The following DRC11 variants were observed in gnomAD, a reference collection of about 807,000 sequenced individuals.
The protein encoded by DRC11 is dynein regulatory complex subunit 11, also known as IQ and AAA domain-containing protein 1.
the DRC11 span, among the ~76,000 whole-genome samples, chr2:236,443,589 T>C: frequency 6.6e-6 from 1 of 152,246 alleles, no homozygotes; most frequent in African/African-American, 2.4e-5. This position sits in a 1 kb window ranked among gnomAD's most constrained non-coding sequence, Gnocchi z 4.4. Flanking sequence ...CCATGGTGTA[T>C]ATGTACCACA....
chr2:236,353,036 C>G, the DRC11 span, among the ~76,000 whole-genome samples: 1 of 152,194 alleles, frequency 6.6e-6, no homozygotes, highest in Non-Finnish European at 1.5e-5. This position sits in a 1 kb window ranked among gnomAD's most constrained non-coding sequence, Gnocchi z 5.0. Flanking sequence ...ACACTCTTCT[C>G]CTCGACAAGT....
At chr2:236,390,516 A>G in the DRC11 span, among the ~76,000 whole-genome samples, 1 of 152,136 alleles carries the variant, frequency 6.6e-6, no homozygotes, top group Non-Finnish European at 1.5e-5. The surrounding 1 kb of genome is among the most constrained non-coding windows in gnomAD (Gnocchi z 5.9). Context: ...GGTTATTTCT[A>G]TTTTGAGGTT....
At chr2:236,477,244 A>G in the DRC11 span, among the ~76,000 whole-genome samples, 1 of 152,358 alleles carries the variant, frequency 6.6e-6, no homozygotes, top group East Asian at 1.9e-4. Flanking sequence ...GGTTGATCAG[A>G]TGCCTTACTG....
the DRC11 span, among the ~76,000 whole-genome samples, chr2:236,358,045 A>G: frequency 8.4e-6 from 1 of 119,460 alleles, no homozygotes; most frequent in African/African-American, 3.4e-5. Flanking sequence ...TATTTATAAT[A>G]TATAGATATA....
At chr2:236,361,756 A>C in the DRC11 span, among the ~76,000 whole-genome samples, 4 of 152,226 alleles carry the variant, frequency 2.6e-5, no homozygotes, top group African/African-American at 4.8e-5. The surrounding 1 kb of genome is among the most constrained non-coding windows in gnomAD (Gnocchi z 5.7). Flanking sequence ...GACTGAACTC[A>C]ATCATCTAAA....
the DRC11 span, among the ~76,000 whole-genome samples, chr2:236,328,683 T>C: frequency 6.6e-6 from 1 of 152,018 alleles, no homozygotes; most frequent in Non-Finnish European, 1.5e-5. The surrounding 1 kb of genome is among the most constrained non-coding windows in gnomAD (Gnocchi z 6.7). Context: ...CTTGGCTCTG[T>C]TTTTAATGTA....
the DRC11 span, chr2:236,363,882 G>A: frequency 2.5e-6 from 4 of 1,613,980 alleles, no homozygotes; most frequent in Non-Finnish European, 2.5e-6. This position sits in a 1 kb window ranked among gnomAD's most constrained non-coding sequence, Gnocchi z 5.6. Flanking sequence ...CCGTTTCGGT[G>A]CAGATGGCAT....
chr2:236,464,559 T>C, the DRC11 span, among the ~76,000 whole-genome samples: 1 of 152,330 alleles, frequency 6.6e-6, no homozygotes, highest in African/African-American at 2.4e-5. Flanking sequence ...TTTTAACTCA[T>C]TTAACATTTC....
chr2:236,319,213 C>T, the DRC11 span, among the ~76,000 whole-genome samples: 4 of 152,350 alleles, frequency 2.6e-5, no homozygotes, highest in East Asian at 7.7e-4. The surrounding 1 kb of genome is among the most constrained non-coding windows in gnomAD (Gnocchi z 6.7). Context: ...TTTGGGCACT[C>T]AGCAGTAATT....
chr2:236,391,907 T>C, the DRC11 span: 2 of 1,339,170 alleles, frequency 1.5e-6, no homozygotes, highest in Admixed American at 1.7e-5. The surrounding 1 kb of genome is among the most constrained non-coding windows in gnomAD (Gnocchi z 4.5). Context: ...TGCCACAGCA[T>C]GTCAGGGGCT....
chr2:236,425,219 T>C, the DRC11 span, among the ~76,000 whole-genome samples: 3 of 152,032 alleles, frequency 2.0e-5, no homozygotes, highest in African/African-American at 7.3e-5. Flanking sequence ...ATTTTTCATT[T>C]TTTGAGGAAC....
At chr2:236,364,295 C>CTT in the DRC11 span, among the ~76,000 whole-genome samples, 73 of 128,624 alleles carry the variant, frequency 5.7e-4, 3 homozygotes, top group African/African-American at 1.4e-3. Flanking sequence ...TTACCTCTGG[C>CTT]TTTTTTTTTT....
the DRC11 span, among the ~76,000 whole-genome samples, chr2:236,450,314 C>CTTTTTTTTTTTTTTTT: frequency 9.8e-4 from 81 of 82,382 alleles, no homozygotes; most frequent in Non-Finnish European, 1.2e-3. Flanking sequence ...CTTTTCTTTT[C>CTTTTTTTTTTTTTTTT]TTTTTTTTTT....
the DRC11 span, among the ~76,000 whole-genome samples, chr2:236,407,007 A>G: frequency 1.1e-4 from 17 of 152,272 alleles, no homozygotes; most frequent in Admixed American, 8.5e-4. Flanking sequence ...GGCCTCCCAA[A>G]GTGCTGGGAT....
chr2:236,322,536 G>A, the DRC11 span, among the ~76,000 whole-genome samples: 10 of 152,130 alleles, frequency 6.6e-5, no homozygotes, highest in South Asian at 8.3e-4. Context: ...GTGAGCCACC[G>A]TGCCTGGCCT....
the DRC11 span, chr2:236,368,474 A>C: frequency 1.7e-6 from 1 of 576,924 alleles, no homozygotes; most frequent in Non-Finnish European, 3.1e-6. Context: ...TAAAGGTTTG[A>C]AGAAAAGCTA....
chr2:236,366,604 G>A, the DRC11 span, among the ~76,000 whole-genome samples: 1 of 152,040 alleles, frequency 6.6e-6, no homozygotes, highest in African/African-American at 2.4e-5. Flanking sequence ...AAGGGAGGGT[G>A]TGGGTGGGGT....
chr2:236,419,826 AG>A, the DRC11 span, among the ~76,000 whole-genome samples: 2 of 152,254 alleles, frequency 1.3e-5, no homozygotes, highest in Non-Finnish European at 2.9e-5. This position sits in a 1 kb window ranked among gnomAD's most constrained non-coding sequence, Gnocchi z 4.8. Flanking sequence ...CAGTTCACAT[AG>A]GATTAGCACT....
chr2:236,445,046 A>T, the DRC11 span, among the ~76,000 whole-genome samples: 1 of 152,312 alleles, frequency 6.6e-6, no homozygotes, highest in Non-Finnish European at 1.5e-5. The surrounding 1 kb of genome is among the most constrained non-coding windows in gnomAD (Gnocchi z 4.8). Context: ...CCATGAATAC[A>T]TTAGGAGTCA....
Sources: gnomAD v4.1 joint callset for allele counts (sites outside exome capture counted in the v4.1 genomes callset) on GRCh38, gnomAD v4.1.1 for gene constraint, Gnocchi (gnomAD v3.1) non-coding constraint, MANE v1.5 for transcripts, NCBI Gene and HGNC (gene_info 2026-07-23, HGNC 2026-07-21) for gene names.